Variants in TMEM117 observed in about 807,000 individuals in gnomAD.
TMEM117 encodes transmembrane protein 117.
TMEM117 carries 27 observed loss-of-function variants against 52.4 expected under a neutral mutation model. The observed-to-expected ratio is 0.51, with a 90% confidence interval of 0.38 to 0.71. TMEM117 has a LOEUF of 0.71. Ranked by LOEUF, TMEM117 falls within the 30% of genes least tolerant of loss-of-function variation. The probability of loss-of-function intolerance (pLI) is 0.00; values close to 1 mark genes in which losing one functional copy is unlikely to be tolerated. For missense variants in TMEM117, 556 were observed against 630.5 expected (o/e 0.88, Z 1.26); for synonymous variants, 215 against 206.3 (o/e 1.04, Z -0.36).
intron 3 of TMEM117, among the ~76,000 whole-genome samples, chr12:44,101,171 C>A (rs1947854289): frequency 2.7e-5 from 4 of 147,938 alleles, no homozygotes; most frequent in African/African-American, 8.0e-5. Context: ...CCTAATACCA[C>A]CAAATTAGAG....
At chr12:44,328,606 TA>T (rs1299391017) in intron 6 of TMEM117, among the ~76,000 whole-genome samples, 1 of 152,108 alleles carries the variant, frequency 6.6e-6, no homozygotes, top group African/African-American at 2.4e-5. Flanking sequence ...AACTTATAAC[TA>T]AAAGATATCT....
At chr12:44,191,920 T>C (rs1181444609) in intron 4 of TMEM117, among the ~76,000 whole-genome samples, 1 of 152,174 alleles carries the variant, frequency 6.6e-6, no homozygotes, top group Non-Finnish European at 1.5e-5. Flanking sequence ...TAATAAATAC[T>C]TTTATAAAAT....
intron 2 of TMEM117, among the ~76,000 whole-genome samples, chr12:43,863,703 T>C (rs1943529725): frequency 6.6e-6 from 1 of 152,168 alleles, no homozygotes; most frequent in African/African-American, 2.4e-5. Flanking sequence ...GCAAAAGCAA[T>C]GGCTGAGAGG....
Position 44,333,347 on chromosome 12 carries a change from G to C in TMEM117, c.768+33608G>C, listed in dbSNP as rs575468471. On this transcript the variant is annotated intron_variant, in intron 6 of 7. Coordinates refer to ENST00000266534, the MANE Select transcript of TMEM117 (RefSeq NM_032256.3). Reference sequence around the variant, plus strand: ...TTTTGGAGCCTGGAATCTTGTGATAGAAGTAGATATTAACTAATGAATTAT... The same window carrying C: ...TTTTGGAGCCTGGAATCTTGTGATACAAGTAGATATTAACTAATGAATTAT... Among the ~76,000 whole-genome samples, 72 of 152,146 alleles carry C rather than the reference G, an allele frequency of 4.7e-4. 1 individual carries two copies. The highest frequency in any genetic ancestry group is 4.4e-3 in the South Asian group (21 of 4,822).
chr12:43,840,307 A>G (rs1225050351), intron 1 of TMEM117, among the ~76,000 whole-genome samples: 1 of 152,220 alleles, frequency 6.6e-6, no homozygotes, highest in Non-Finnish European at 1.5e-5. Flanking sequence ...TATTTTCTTC[A>G]TTGGGTTGCT....
rs751669051 is a variant in TMEM117 at position 43,884,134 on chromosome 12, A to AG, written c.277+39206_277+39207insG. Among the ~76,000 whole-genome samples the AG allele has an allele frequency of 1.1e-3, 140 of 124,372 alleles. 1 individual carries two copies. In the Middle Eastern group the frequency reaches 0.015, roughly 13 times the overall value. The allele number at this position is 124,372 out of a possible 152,430, so 81.6% of individuals were successfully genotyped here. A position where few individuals can be genotyped will look rare whatever the true frequency, so the allele number is the denominator to read the frequency against. On this transcript the variant is annotated intron_variant, in intron 2 of 7. Transcript: ENST00000266534. ...CTGGGCAACAGAGTGATACCATCTCAAAAAAAAAAAAAAAAGAAAGAAAGA... is the reference window on the plus strand; with the variant it reads ...CTGGGCAACAGAGTGATACCATCTCAGAAAAAAAAAAAAAAAGAAAGAAAGA...
intron 3 of TMEM117, among the ~76,000 whole-genome samples, chr12:44,001,110 G>T (rs577156108): frequency 6.6e-6 from 1 of 152,302 alleles, no homozygotes; most frequent in East Asian, 1.9e-4. Context: ...AAATTAGGAA[G>T]ACAGGCATTG....
intron 5 of TMEM117, among the ~76,000 whole-genome samples, chr12:44,243,972 G>T (rs147256585): frequency 7.2e-5 from 11 of 152,008 alleles, no homozygotes; most frequent in African/African-American, 2.4e-4. Context: ...TCATTTTTAA[G>T]GCTGAATAGT....
chr12:44,248,468 T>C (rs1950158055), intron 5 of TMEM117: 1 of 152,952 alleles, frequency 6.5e-6, no homozygotes, highest in Non-Finnish European at 1.5e-5. Flanking sequence ...GAGTAAGCGG[T>C]TGGCCATCAC....
intron 3 of TMEM117, among the ~76,000 whole-genome samples, chr12:44,134,645 T>C (rs1171043595): frequency 6.6e-6 from 1 of 152,210 alleles, no homozygotes; most frequent in East Asian, 1.9e-4. Context: ...AGAACCAACC[T>C]CAGTCTACCA....
At chr12:44,386,460 A>C (rs1169787847) in intron 7 of TMEM117, among the ~76,000 whole-genome samples, 1 of 151,936 alleles carries the variant, frequency 6.6e-6, no homozygotes, top group Non-Finnish European at 1.5e-5. Flanking sequence ...AATATTATAA[A>C]CTCTATATAG....
the TMEM117 span, among the ~76,000 whole-genome samples, chr12:43,807,508 T>C: frequency 4.6e-5 from 7 of 152,354 alleles, no homozygotes; most frequent in South Asian, 1.4e-3. Flanking sequence ...CCTGACACAA[T>C]GGTTCACCCT....
chr12:44,301,006 A>G (rs1052398862), intron 6 of TMEM117, among the ~76,000 whole-genome samples: 3 of 152,164 alleles, frequency 2.0e-5, no homozygotes, highest in Non-Finnish European at 4.4e-5. Context: ...TCTATTTCCT[A>G]ACTAATATAA....
chr12:44,167,694 CAG>C (rs1948987960), intron 4 of TMEM117, among the ~76,000 whole-genome samples: 1 of 152,062 alleles, frequency 6.6e-6, no homozygotes, highest in Non-Finnish European at 1.5e-5. Flanking sequence ...GCTGTAGAAT[CAG>C]AGGGGTTCTT....
chr12:43,899,158 T>C (rs1944262911), intron 2 of TMEM117, among the ~76,000 whole-genome samples: 1 of 152,238 alleles, frequency 6.6e-6, no homozygotes, highest in Non-Finnish European at 1.5e-5. Flanking sequence ...TCATATTGCT[T>C]GAAGTCTGAT....
chr12:43,921,905 T>C (rs1041085929), intron 2 of TMEM117, among the ~76,000 whole-genome samples: 1 of 152,114 alleles, frequency 6.6e-6, no homozygotes, highest in Non-Finnish European at 1.5e-5. Context: ...CCATTGCTAC[T>C]TCTGTTTGGC....
rs186679117 is a variant in TMEM117, at chr12:43,867,517, A to G, written c.277+22589A>G. Among the ~76,000 whole-genome samples, 491 of 152,318 alleles carry G rather than the reference A, an allele frequency of 3.2e-3. 2 individuals are homozygous for G. The highest frequency in any genetic ancestry group is 6.0e-3 in the Non-Finnish European group (407 of 68,020). On this transcript the variant is annotated intron_variant, in intron 2 of 7. Transcript: ENST00000266534. The stretch of plus-strand genomic sequence containing the variant: ...TTACGCAGAAAAACTAAACATTCCA[A>G]TTACAAGGCAGAGATTGTCAGACTG...
intron 3 of TMEM117, among the ~76,000 whole-genome samples, chr12:44,026,465 C>G (rs912360318): frequency 6.6e-6 from 1 of 152,186 alleles, no homozygotes; most frequent in Non-Finnish European, 1.5e-5. Flanking sequence ...CACCTTCTCA[C>G]TGAGACAGTC....
chr12:44,241,858 A>G (rs1471673056), intron 5 of TMEM117, among the ~76,000 whole-genome samples: 1 of 152,024 alleles, frequency 6.6e-6, no homozygotes, highest in Non-Finnish European at 1.5e-5. Context: ...CTTTCTATGC[A>G]TACTAAATTG....
Sources: allele counts gnomAD v4.1 joint callset (sites outside exome capture counted in the v4.1 genomes callset), GRCh38; gene constraint gnomAD v4.1.1; transcripts MANE v1.5; gene names NCBI Gene and HGNC (gene_info 2026-07-23, HGNC 2026-07-21).